Variants in COL21A1 observed in about 807,000 individuals in gnomAD.
COL21A1 encodes the protein collagen type XXI alpha 1 chain.
A neutral mutation model predicts 137.9 loss-of-function variants in COL21A1; 149 were observed. The ratio of observed to expected loss-of-function variants is 1.08; its 90% CI spans 0.95 to 1.24. The LOEUF (loss-of-function observed/expected upper bound fraction) is 1.24. Among genes scored for constraint, COL21A1 ranks in the 50% most tolerant of loss-of-function variants. COL21A1 has a pLI of 0.00. For synonymous variants in COL21A1, 456 were observed against 391.5 expected (o/e 1.16, Z -1.95); for missense variants, 1,167 against 1,158.4 (o/e 1.01, Z -0.11).
chr6:56,147,970 A>T (rs988687396), intron 10 of COL21A1, among the ~76,000 whole-genome samples: 2 of 152,086 alleles, frequency 1.3e-5, no homozygotes, highest in Non-Finnish European at 2.9e-5. Context: ...CAAATTCAGT[A>T]AACCCTCCCT....
chr6:56,242,174 C>T (rs557229589), intron 1 of COL21A1, among the ~76,000 whole-genome samples: 2 of 152,006 alleles, frequency 1.3e-5, no homozygotes, highest in African/African-American at 2.4e-5. Flanking sequence ...TTGCAAAATA[C>T]GTATACAACA....
At chr6:56,076,280 A>G (rs1438349265) in intron 18 of COL21A1, among the ~76,000 whole-genome samples, 4 of 151,604 alleles carry the variant, frequency 2.6e-5, no homozygotes, top group African/African-American at 7.2e-5. Context: ...TACCAGCAAA[A>G]GGCAGGTCTT....
intron 16 of COL21A1, among the ~76,000 whole-genome samples, chr6:56,114,011 C>A (rs373174265): frequency 1.3e-5 from 2 of 152,206 alleles, no homozygotes; most frequent in East Asian, 3.9e-4. Context: ...AGAAGGACTG[C>A]GTCTTGTGGT....
chr6:56,143,463 G>C (rs1034573256), intron 10 of COL21A1, among the ~76,000 whole-genome samples: 1 of 152,060 alleles, frequency 6.6e-6, no homozygotes, highest in East Asian at 1.9e-4. Context: ...GCCTCCCAAA[G>C]TGCTAGGATT....
At chr6:56,309,157 T>C (rs995048380) in intron 1 of COL21A1, among the ~76,000 whole-genome samples, 18 of 151,852 alleles carry the variant, frequency 1.2e-4, no homozygotes, top group African/African-American at 4.4e-4. Flanking sequence ...TTCCCCTGCC[T>C]CAGCCTCCTG....
At chr6:56,304,400 C>T (rs1276119944) in intron 1 of COL21A1, among the ~76,000 whole-genome samples, 1 of 152,132 alleles carries the variant, frequency 6.6e-6, no homozygotes, top group Non-Finnish European at 1.5e-5. Context: ...ATTATTGCCT[C>T]AATTTCAGAG....
At chr6:56,255,153 T>C (rs1040883141) in intron 1 of COL21A1, among the ~76,000 whole-genome samples, 4 of 152,200 alleles carry the variant, frequency 2.6e-5, no homozygotes, top group African/African-American at 2.4e-5. Context: ...CTCTAATTGC[T>C]GTGGGGTCGG....
chr6:56,284,962 G>C (rs545965509), intron 1 of COL21A1, among the ~76,000 whole-genome samples: 16 of 152,270 alleles, frequency 1.1e-4, no homozygotes, highest in South Asian at 4.2e-4. Flanking sequence ...TACTTTTTAA[G>C]CCCCCAGGTG....
chr6:56,094,184 C>T lies in COL21A1; in HGVS notation c.1812+7288G>A, dbSNP rs144345124. Reference sequence around the variant, plus strand: ...ATCATGCTCTATCTTCAGCACTTTGCTTGGCAATCTCGTCAGCTAAATATA... The same window carrying T: ...ATCATGCTCTATCTTCAGCACTTTGTTTGGCAATCTCGTCAGCTAAATATA... On this transcript the variant is annotated intron_variant, in intron 17 of 29. Coordinates refer to ENST00000244728, the MANE Select transcript of COL21A1 (RefSeq NM_030820.4). Among the ~76,000 whole-genome samples, 92 of 152,210 alleles carry T rather than the reference C, an allele frequency of 6.0e-4. No homozygotes were observed. The East Asian group carries it at 0.016, about 26-fold the overall frequency.
chr6:56,362,308 G>A (rs1765992371), intron 1 of COL21A1, among the ~76,000 whole-genome samples: 1 of 151,996 alleles, frequency 6.6e-6, no homozygotes, highest in African/African-American at 2.4e-5. Context: ...GGGACTATGA[G>A]TGCCTTAAGT....
intron 1 of COL21A1, among the ~76,000 whole-genome samples, chr6:56,367,555 T>C (rs1766129867): frequency 6.6e-6 from 1 of 152,198 alleles, no homozygotes; most frequent in South Asian, 2.1e-4. Flanking sequence ...AACCAATCCC[T>C]CTCAGACCCT....
intron 1 of COL21A1, among the ~76,000 whole-genome samples, chr6:56,322,988 A>G (rs1451443020): frequency 6.6e-6 from 1 of 151,838 alleles, no homozygotes; most frequent in Admixed American, 6.6e-5. Flanking sequence ...AGACATAGAG[A>G]GTGGAATAAT....
chr6:56,062,280 T>C (rs1223379192), intron 24 of COL21A1, among the ~76,000 whole-genome samples: 1 of 152,124 alleles, frequency 6.6e-6, no homozygotes, highest in African/African-American at 2.4e-5. Context: ...ATATAAACAC[T>C]GGGGAGCCCA....
rs374547399 is a variant in COL21A1, at chr6:56,327,328, TAAATA to T, written c.-39+66638_-39+66642del. ...ACTTCATGAAATAAAGATAAATTAC[TAAATA>T]AAATATGAAAATATCAAAATTAGAA... On this transcript the variant is annotated intron_variant, in intron 1 of 28. Transcript: ENST00000370819. Among the ~76,000 whole-genome samples the T allele has an allele frequency of 9.2e-5, 14 of 151,978 alleles. No homozygotes were observed. In the East Asian group the frequency reaches 2.5e-3, roughly 27 times the overall value.
intron 1 of COL21A1, among the ~76,000 whole-genome samples, chr6:56,288,239 T>G (rs1763959260): frequency 9.6e-6 from 1 of 104,436 alleles, no homozygotes; most frequent in Non-Finnish European, 1.8e-5. Context: ...CTTATTACAT[T>G]TTAAAAAAAT....
At chr6:56,292,391 A>ACCCCCCCCCC (rs35462264) in intron 1 of COL21A1, among the ~76,000 whole-genome samples, 3 of 125,312 alleles carry the variant, frequency 2.4e-5, no homozygotes, top group Non-Finnish European at 3.3e-5. Flanking sequence ...CAAAACAGGG[A>ACCCCCCCCCC]CCCCCCCCCT....
At chr6:56,363,857 C>T (rs1228460643) in intron 1 of COL21A1, among the ~76,000 whole-genome samples, 1 of 152,152 alleles carries the variant, frequency 6.6e-6, no homozygotes, top group East Asian at 1.9e-4. Context: ...AATCTGAGAA[C>T]CTCTGATTTA....
intron 1 of COL21A1, among the ~76,000 whole-genome samples, chr6:56,294,942 T>A (rs532322892): frequency 5.9e-5 from 9 of 152,132 alleles, no homozygotes; most frequent in African/African-American, 2.2e-4. Flanking sequence ...TTTTTAATTT[T>A]AATAAAGTCC....
At chr6:56,229,801 C>A (rs904000534) in intron 1 of COL21A1, among the ~76,000 whole-genome samples, 2 of 151,934 alleles carry the variant, frequency 1.3e-5, no homozygotes, top group Non-Finnish European at 2.9e-5. Flanking sequence ...AAAACGTAAT[C>A]TGACTGTGTA....
Sources: allele counts gnomAD v4.1 joint callset (sites outside exome capture counted in the v4.1 genomes callset), GRCh38; gene constraint gnomAD v4.1.1; transcripts MANE v1.5; gene names NCBI Gene and HGNC (gene_info 2026-07-23, HGNC 2026-07-21).